Variants in SLAIN1 observed in about 807,000 individuals in gnomAD.
The protein encoded by SLAIN1 is SLAIN motif-containing protein 1.
A neutral mutation model predicts 55.4 loss-of-function variants in SLAIN1; 17 were observed. The ratio of observed to expected loss-of-function variants is 0.31; its 90% CI spans 0.21 to 0.46. The LOEUF is 0.46. Ranked by LOEUF, SLAIN1 falls within the 20% of genes least tolerant of loss-of-function variation. The pLI is 1.00. For missense variants in SLAIN1, 682 were observed against 785.1 expected, an observed-to-expected ratio of 0.87 and a Z score of 1.57; for synonymous variants, 348 against 337.4, an observed-to-expected ratio of 1.03 and a Z score of -0.35.
intron 1 of SLAIN1, chr13:77,699,018 A>T: frequency 2.6e-6 from 4 of 1,535,354 alleles, no homozygotes; most frequent in Non-Finnish European, 3.5e-6. Flanking sequence ...CTCGGGTGGC[A>T]TCGGAAGCCG....
chr13:77,708,277 C>CA (rs1439953185), intron 1 of SLAIN1, among the ~76,000 whole-genome samples: 3 of 152,050 alleles, frequency 2.0e-5, no homozygotes, highest in Admixed American at 2.0e-4. Flanking sequence ...AGGACTCTAT[C>CA]AAAAAAAGTG....
intron 2 of SLAIN1, among the ~76,000 whole-genome samples, chr13:77,738,923 C>T (rs1298682190): frequency 1.3e-5 from 2 of 152,060 alleles, no homozygotes; most frequent in South Asian, 2.1e-4. Flanking sequence ...AATTCGGTGG[C>T]AGCTTTGTTG....
intron 2 of SLAIN1, among the ~76,000 whole-genome samples, chr13:77,724,788 G>A (rs1354014206): frequency 6.6e-6 from 1 of 152,062 alleles, no homozygotes; most frequent in Non-Finnish European, 1.5e-5. Flanking sequence ...TGTGCATGAT[G>A]GGCAGGTTTG....
intron 2 of SLAIN1, among the ~76,000 whole-genome samples, chr13:77,733,313 A>C (rs565442640): frequency 6.6e-6 from 1 of 152,278 alleles, no homozygotes; most frequent in African/African-American, 2.4e-5. Flanking sequence ...AACTCTGCAT[A>C]TTAATTACAT....
intron 1 of SLAIN1, among the ~76,000 whole-genome samples, chr13:77,702,313 G>A (rs1399646773): frequency 2.6e-5 from 4 of 151,928 alleles, no homozygotes. Context: ...TCTCCAGAAG[G>A]CCATTGGCTA....
chr13:77,701,911 TC>T (rs2091034819), intron 1 of SLAIN1, among the ~76,000 whole-genome samples: 1 of 100,176 alleles, frequency 1.0e-5, no homozygotes, highest in African/African-American at 3.9e-5. Context: ...ATGCTATCCC[TC>T]CCCCCTCCCC....
At chr13:77,758,590 G>A (rs1874776068) in intron 5 of SLAIN1, among the ~76,000 whole-genome samples, 1 of 152,008 alleles carries the variant, frequency 6.6e-6, no homozygotes. Flanking sequence ...TCCATTTTGA[G>A]TTGATTTTTG....
chr13:77,716,615 T>C (rs1280408353), intron 1 of SLAIN1, among the ~76,000 whole-genome samples: 1 of 152,172 alleles, frequency 6.6e-6, no homozygotes, highest in Non-Finnish European at 1.5e-5. Context: ...AAGCATCTGA[T>C]GGTTTTTTAA....
At chr13:77,728,524 G>A (rs2091328854) in intron 2 of SLAIN1, among the ~76,000 whole-genome samples, 1 of 152,168 alleles carries the variant, frequency 6.6e-6, no homozygotes, top group Non-Finnish European at 1.5e-5. Flanking sequence ...GTTTCGCTAT[G>A]ACCATCTGTC....
chr13:77,759,178 T>G (rs958476209), intron 5 of SLAIN1, among the ~76,000 whole-genome samples: 1 of 152,092 alleles, frequency 6.6e-6, no homozygotes, highest in Non-Finnish European at 1.5e-5. Context: ...GTATTTTATT[T>G]TATTTTTTAT....
intron 2 of SLAIN1, among the ~76,000 whole-genome samples, chr13:77,737,482 A>G (rs1445461907): frequency 6.6e-6 from 1 of 152,126 alleles, no homozygotes; most frequent in African/African-American, 2.4e-5. Flanking sequence ...ACTGTTCATT[A>G]ATGTGTATAG....
At chr13:77,718,938 C>T (rs996476801) in intron 1 of SLAIN1, among the ~76,000 whole-genome samples, 7 of 152,080 alleles carry the variant, frequency 4.6e-5, no homozygotes, top group East Asian at 3.9e-4. Flanking sequence ...GTGAAGTCTT[C>T]GTAAAACATA....
chr13:77,698,764 A>C lies in SLAIN1; in HGVS notation c.626+225A>C, dbSNP rs2091000173. On this transcript the variant is annotated intron_variant, in intron 1 of 6. Coordinates refer to ENST00000418532, the MANE Select transcript of SLAIN1 (RefSeq NM_001242868.2). The surrounding 1 kb of genome is among the most constrained non-coding windows in gnomAD (Gnocchi z 4.1). ...TGTTTTCTAATCGCTCCGACTGCGG[A>C]TGAACCGGCCCCCCCTTCCCCCCAT... 1 of 1,164,560 alleles carries C rather than the reference A, an allele frequency of 8.6e-7. No individual in the cohort carries two copies. Among genetic ancestry groups the C allele is most frequent in the South Asian group, 1.8e-5 (1 of 54,216 alleles). 72.1% of individuals were successfully genotyped at this position (1,164,560 alleles called of 1,614,324 possible). A position where few individuals can be genotyped will look rare whatever the true frequency, so the allele number is the denominator to read the frequency against.
At position 77,761,042 on chromosome 13, in the gene SLAIN1, C is replaced by G. The variant is rs745955044; in HGVS notation, c.1629C>G (p.Leu543=). ...CTGGGATAATGGGTCGCAGTGCACT[C>G]CCAAGACCTTCGTTGGCAATAAATG... ...AASGIMGRSA[L]PRPSLAINGS... is the part of the protein sequence containing the mutation. Residue 543 remains leucine, a synonymous_variant, in exon 6 of 7, where the codon CTC becomes CTG. Coordinates refer to ENST00000418532, the MANE Select transcript of SLAIN1 (RefSeq NM_001242868.2). The G allele has an allele frequency of 2.5e-6, 4 of 1,614,202 alleles. No homozygotes were observed. The highest frequency in any genetic ancestry group is 3.4e-6 in the Non-Finnish European group (4 of 1,180,030).
intron 1 of SLAIN1, among the ~76,000 whole-genome samples, chr13:77,709,765 A>ATTG (rs61324361): frequency 0.026 from 3,916 of 151,620 alleles, 83 homozygotes; most frequent in African/African-American, 0.044. Flanking sequence ...CACTAAATAT[A>ATTG]TTGTTGTTGT....
chr13:77,739,513 C>T (rs1443368671), intron 2 of SLAIN1, among the ~76,000 whole-genome samples: 2 of 152,036 alleles, frequency 1.3e-5, no homozygotes, highest in African/African-American at 4.8e-5. Flanking sequence ...CACTACCGAC[C>T]TTTTGAGTCT....
chr13:77,705,018 T>C (rs2091073895), intron 1 of SLAIN1, among the ~76,000 whole-genome samples: 1 of 146,960 alleles, frequency 6.8e-6, no homozygotes, highest in Admixed American at 6.9e-5. Context: ...AGGTTTTATA[T>C]GTATATATAC....
intron 2 of SLAIN1, among the ~76,000 whole-genome samples, chr13:77,735,370 C>T (rs901212744): frequency 1.3e-5 from 2 of 152,020 alleles, no homozygotes; most frequent in African/African-American, 4.8e-5. Context: ...GAAGAAGTAT[C>T]CTGTCAGCCA....
chr13:77,719,765 A>T, intron 2 of SLAIN1, 94 bp downstream of exon 2: 1 of 1,429,654 alleles, frequency 7.0e-7, no homozygotes, highest in South Asian at 1.4e-5. Flanking sequence ...TCAATTGAAA[A>T]TTCTTACCCT....
Sources: allele counts gnomAD v4.1 joint callset (sites outside exome capture counted in the v4.1 genomes callset), GRCh38; gene constraint gnomAD v4.1.1; non-coding constraint Gnocchi (gnomAD v3.1); transcripts MANE v1.5; gene names NCBI Gene and HGNC (gene_info 2026-07-23, HGNC 2026-07-21).